LNX2: variants seen among roughly 807,000 people sequenced by gnomAD.
LNX2 encodes the protein ligand of Numb protein X 2.
A neutral mutation model predicts 66.2 loss-of-function variants in LNX2; 35 were observed. That is an observed-to-expected ratio of 0.53 (90% confidence interval 0.40 to 0.70). LNX2 has a LOEUF of 0.70. Among genes scored for constraint, LNX2 ranks in the 30% least tolerant of loss-of-function variants. The pLI is 0.00. For missense variants in LNX2, 791 were observed against 850.8 expected, an observed-to-expected ratio of 0.93 and a Z score of 0.87; for synonymous variants, 337 against 315.6, an observed-to-expected ratio of 1.07 and a Z score of -0.72.
chr13:27,550,184 A>AT, intron 9 of LNX2, 149 bp downstream of exon 9: 1 of 618,720 alleles, frequency 1.6e-6, no homozygotes, highest in South Asian at 2.5e-5. Flanking sequence ...GCCAGAGAGT[A>AT]CATAAACCAG....
intron 9 of LNX2, among the ~76,000 whole-genome samples, chr13:27,548,790 A>AG (rs997709286): frequency 6.6e-6 from 1 of 152,162 alleles, no homozygotes; most frequent in African/African-American, 2.4e-5. Flanking sequence ...ATGCATTTGA[A>AG]GGGGGTTATT....
chr13:27,620,205 G>A lies in LNX2; in HGVS notation c.-101+170C>T, dbSNP rs528485691. On this transcript the variant is annotated intron_variant, in intron 1 of 9. Coordinates refer to ENST00000316334, the MANE Select transcript of LNX2 (RefSeq NM_153371.4). ...TCCACGCCAGCCCCGCAGCCCGGGC[G>A]AGCGAAGACAGCCGCGAAGGACCAA... 3.4e-3 allele frequency among the ~76,000 whole-genome samples: 523 copies of A among 152,034 alleles called. 5 individuals carry two copies. The highest frequency in any genetic ancestry group is 4.1e-3 in the Non-Finnish European group (275 of 67,888).
At chr13:27,551,144 T>G (rs1321428131) in intron 8 of LNX2, among the ~76,000 whole-genome samples, 1 of 152,034 alleles carries the variant, frequency 6.6e-6, no homozygotes, top group African/African-American at 2.4e-5. Flanking sequence ...ATAGACAAGC[T>G]GGGTACAGCG....
At chr13:27,580,569 AG>A (rs1232222558) in intron 2 of LNX2, among the ~76,000 whole-genome samples, 1 of 152,168 alleles carries the variant, frequency 6.6e-6, no homozygotes, top group African/African-American at 2.4e-5. Flanking sequence ...CAAGTCTTTT[AG>A]CAAAATCAAA....
rs142138596 is a variant in LNX2, at chr13:27,562,184, C to T, written c.1224+229G>A. On this transcript the variant is annotated intron_variant, in intron 5 of 9. Transcript: ENST00000316334. The stretch of plus-strand genomic sequence containing the variant: ...AATGAATGTGAAACAGTAGAGCCTA[C>T]GCTCTGTAAATAACCATCCCCAAAA... 2.6e-4 allele frequency among the ~76,000 whole-genome samples: 39 copies of T among 152,290 alleles called. No homozygotes were observed. The East Asian group carries it at 3.9e-3, about 15-fold the overall frequency.
Position 27,553,325 on chromosome 13 carries a change from T to C in LNX2, c.1661A>G (p.Glu554Gly). The change falls in exon 8 of 10, where the codon GAG becomes GGG. Residue 554 changes from glutamate to glycine, a missense_variant. Transcript: ENST00000316334. ...AGTCGCCTCCTCAACAATCTGGACCTCAAGTGCTTTAAGGGCAACAGCAGG... is the reference window on the plus strand; with the variant it reads ...AGTCGCCTCCTCAACAATCTGGACCCCAAGTGCTTTAAGGGCAACAGCAGG... ...ASPAVALKAL[E>G]VQIVEEATQN... 1 of 1,614,170 alleles carries C rather than the reference T, an allele frequency of 6.2e-7. No homozygotes were observed. Among genetic ancestry groups the C allele is most frequent in the Non-Finnish European group, 8.5e-7 (1 of 1,180,032 alleles).
intron 1 of LNX2, among the ~76,000 whole-genome samples, chr13:27,607,592 T>C (rs1273378258): frequency 6.6e-6 from 1 of 152,184 alleles, no homozygotes; most frequent in East Asian, 1.9e-4. Flanking sequence ...ATTGAGAACA[T>C]ACAAACATAA....
intron 1 of LNX2, among the ~76,000 whole-genome samples, chr13:27,607,341 G>A (rs941408585): frequency 6.6e-6 from 1 of 152,112 alleles, no homozygotes; most frequent in Non-Finnish European, 1.5e-5. Flanking sequence ...ATGAGTCATG[G>A]GTCACACTCC....
At chr13:27,573,121 G>A (rs779498659) in intron 2 of LNX2, among the ~76,000 whole-genome samples, 12 of 152,134 alleles carry the variant, frequency 7.9e-5, no homozygotes, top group Admixed American at 2.6e-4. Flanking sequence ...AGAAGAGAGA[G>A]CTCTGTGGCA....
At chr13:27,560,026 T>A (rs377765235) in intron 5 of LNX2, 41 bp from the exon 6 acceptor site, 15 of 1,492,258 alleles carry the variant, frequency 1.0e-5, no homozygotes, top group Non-Finnish European at 1.4e-5. Flanking sequence ...TGACTAATGA[T>A]GTTTGTCATT....
intron 1 of LNX2, among the ~76,000 whole-genome samples, chr13:27,600,696 G>T (rs1267444695): frequency 1.3e-5 from 2 of 152,118 alleles, no homozygotes; most frequent in Non-Finnish European, 2.9e-5. Flanking sequence ...GGCTTCATGT[G>T]GCAGCTAGTT....
At chr13:27,573,257 A>G (rs1955303836) in intron 2 of LNX2, among the ~76,000 whole-genome samples, 1 of 152,110 alleles carries the variant, frequency 6.6e-6, no homozygotes, top group South Asian at 2.1e-4. Flanking sequence ...TCAAAGCCCT[A>G]TTCCCAGAGA....
chr13:27,552,195 T>C (rs1955015466), intron 8 of LNX2, among the ~76,000 whole-genome samples: 1 of 152,028 alleles, frequency 6.6e-6, no homozygotes, highest in Admixed American at 6.6e-5. Context: ...GTATATCAGA[T>C]AAGGAAAATT....
rs1955432255 is a variant in LNX2 at position 27,583,227 on chromosome 13, T to TGCGCGC, written c.-100-1425_-100-1424insGCGCGC. 1.0e-4 allele frequency among the ~76,000 whole-genome samples: 2 copies of TGCGCGC among 19,696 alleles called. 1 individual carries two copies. Among genetic ancestry groups the TGCGCGC allele is most frequent in the African/African-American group, 3.6e-4 (2 of 5,564 alleles). 12.9% of individuals were successfully genotyped at this position (19,696 alleles called of 152,430 possible). ...GTGTGTGTGTGTGTGTGTGTGTGTGTGTGTGTGTGTGTGTGTGTGTGTGTG... is the reference window on the plus strand; with the variant it reads ...GTGTGTGTGTGTGTGTGTGTGTGTGTGCGCGCGTGTGTGTGTGTGTGTGTGTGTGTG... On this transcript the variant is annotated intron_variant, in intron 1 of 9. Transcript: ENST00000316334.
intron 1 of LNX2, among the ~76,000 whole-genome samples, chr13:27,607,158 A>C (rs562998723): frequency 1.3e-5 from 2 of 152,356 alleles, no homozygotes; most frequent in East Asian, 1.9e-4. Context: ...AAGCTTATTG[A>C]AATGTCCAGT....
chr13:27,595,540 C>T (rs1237256247), intron 1 of LNX2, among the ~76,000 whole-genome samples: 1 of 152,180 alleles, frequency 6.6e-6, no homozygotes, highest in Non-Finnish European at 1.5e-5. Flanking sequence ...AATTCTTATT[C>T]CCACGACCTC....
Position 27,547,994 on chromosome 13 carries a change from A to G in LNX2, c.*341T>C. ...GGATACAGAACTCGTTCTATGATTC[A>G]GTTACTGAAAACAAAGACCCACCAG... On this transcript the variant is annotated 3_prime_UTR_variant, in exon 10 of 10. Coordinates refer to ENST00000316334, the MANE Select transcript of LNX2 (RefSeq NM_153371.4). The G allele has an allele frequency of 3.9e-6, 1 of 253,834 alleles. No individual in the cohort carries two copies. The highest frequency in any genetic ancestry group is 7.6e-6 in the Non-Finnish European group (1 of 131,336). The allele number at this position is 253,834 out of a possible 1,614,324, so 15.7% of individuals were successfully genotyped here. A position where few individuals can be genotyped will look rare whatever the true frequency, so the allele number is the denominator to read the frequency against.
rs1158343523 is a variant in LNX2 at position 27,620,357 on chromosome 13, C to G, written c.-101+18G>C. On this transcript the variant is annotated intron_variant, in intron 1 of 9. Transcript: ENST00000316334. ...GCGAGAGGGCGCGCAGCGAGGCGGG[C>G]AGGGCAAAGTTACTCACTGGGAAAG... 6.6e-6 allele frequency: 1 copy of G among 152,600 alleles called. No homozygotes were observed. The highest frequency in any genetic ancestry group is 1.5e-5 in the Non-Finnish European group (1 of 68,084). The allele number at this position is 152,600 out of a possible 1,614,324, so 9.5% of individuals were successfully genotyped here. A position where few individuals can be genotyped will look rare whatever the true frequency, so the allele number is the denominator to read the frequency against.
intron 9 of LNX2, 113 bp from the exon 10 acceptor site, chr13:27,548,583 A>G (rs1324717306): frequency 1.7e-5 from 18 of 1,089,708 alleles, no homozygotes; most frequent in Non-Finnish European, 2.4e-5. Context: ...TGAACTGTCA[A>G]TGGTTAGGGT....
Sources: gnomAD v4.1 joint callset for allele counts (sites outside exome capture counted in the v4.1 genomes callset) on GRCh38, gnomAD v4.1.1 for gene constraint, MANE v1.5 for transcripts, NCBI Gene and HGNC (gene_info 2026-07-23, HGNC 2026-07-21) for gene names.